FAM13C: variants seen among roughly 807,000 people sequenced by gnomAD.
FAM13C encodes protein FAM13C.
A neutral mutation model predicts 73.2 loss-of-function variants in FAM13C; 37 were observed. The observed-to-expected ratio is 0.51, with a 90% CI of 0.39 to 0.67. FAM13C has a LOEUF of 0.67. Ranked by LOEUF, FAM13C falls within the 30% of genes least tolerant of loss-of-function variation. FAM13C has a pLI of 0.00. For synonymous variants in FAM13C, 246 were observed against 260.9 expected (o/e 0.94, Z 0.55); for missense variants, 589 against 715.6 (o/e 0.82, Z 2.02).
chr10:59,331,752 A>G (rs79622999), intron 3 of FAM13C, among the ~76,000 whole-genome samples: 2,726 of 152,254 alleles, frequency 0.018, 85 homozygotes, highest in African/African-American at 0.062. Flanking sequence ...GAGAATAACA[A>G]ATTAGCTAAA....
chr10:59,320,447 T>C (rs1378615618), intron 4 of FAM13C, among the ~76,000 whole-genome samples: 1 of 152,134 alleles, frequency 6.6e-6, no homozygotes, highest in Non-Finnish European at 1.5e-5. Flanking sequence ...GTATCTGAGG[T>C]TGGCTCTGTT....
intron 13 of FAM13C, among the ~76,000 whole-genome samples, chr10:59,249,419 A>G (rs990520068): frequency 4.0e-5 from 6 of 150,660 alleles, no homozygotes; most frequent in African/African-American, 1.5e-4. Flanking sequence ...AAAAAAAAAA[A>G]AAAAAAAAAA....
At chr10:59,293,008 T>C (rs1846443983) in intron 5 of FAM13C, among the ~76,000 whole-genome samples, 1 of 151,046 alleles carries the variant, frequency 6.6e-6, no homozygotes, top group East Asian at 1.9e-4. Context: ...CCCTTACCCT[T>C]CCCAGCATCT....
intron 13 of FAM13C, among the ~76,000 whole-genome samples, chr10:59,248,675 T>C (rs748732128): frequency 2.0e-5 from 3 of 152,194 alleles, no homozygotes; most frequent in Non-Finnish European, 4.4e-5. Flanking sequence ...TATTCTCTAA[T>C]GTTAGTATGG....
chr10:59,321,717 T>C (rs1443882045), intron 4 of FAM13C, among the ~76,000 whole-genome samples: 1 of 152,026 alleles, frequency 6.6e-6, no homozygotes, highest in Non-Finnish European at 1.5e-5. Flanking sequence ...TTGGCATTCG[T>C]GAAAAGATCA....
intron 2 of FAM13C, among the ~76,000 whole-genome samples, chr10:59,353,085 G>A (rs1855282282): frequency 6.6e-6 from 1 of 152,192 alleles, no homozygotes; most frequent in Non-Finnish European, 1.5e-5. Context: ...TCTGAACAAT[G>A]CCCTGAATGC....
chr10:59,270,162 C>T, intron 6 of FAM13C, 53 bp from the exon 7 acceptor site: 2 of 1,532,720 alleles, frequency 1.3e-6, no homozygotes. Flanking sequence ...GGGCTTGAGA[C>T]TGTCATGTTC....
At chr10:59,294,983 C>T (rs761452972) in intron 5 of FAM13C, among the ~76,000 whole-genome samples, 4 of 152,186 alleles carry the variant, frequency 2.6e-5, no homozygotes, top group Non-Finnish European at 5.9e-5. Context: ...AATAGCACTC[C>T]TAGATCCTAA....
intron 4 of FAM13C, among the ~76,000 whole-genome samples, chr10:59,315,435 A>C (rs1589576498): frequency 6.6e-6 from 1 of 152,280 alleles, no homozygotes; most frequent in East Asian, 1.9e-4. Context: ...TCTATCATGA[A>C]ATTTAGTGGG....
chr10:59,342,926 C>T (rs1853695151), intron 3 of FAM13C, among the ~76,000 whole-genome samples: 1 of 152,202 alleles, frequency 6.6e-6, no homozygotes, highest in African/African-American at 2.4e-5. Flanking sequence ...ATAAATATCA[C>T]AAAGAACACA....
intron 1 of FAM13C, among the ~76,000 whole-genome samples, chr10:59,359,162 A>G (rs1033599321): frequency 8.5e-5 from 13 of 152,140 alleles, no homozygotes; most frequent in African/African-American, 3.1e-4. Flanking sequence ...CATAATCTCA[A>G]TCCAGCCTGA....
At chr10:59,289,238 C>T (rs907599713) in intron 5 of FAM13C, among the ~76,000 whole-genome samples, 1 of 152,182 alleles carries the variant, frequency 6.6e-6, no homozygotes, top group African/African-American at 2.4e-5. Context: ...GGAGCTCAGG[C>T]AGTAAAGCTC....
chr10:59,324,095 A>C lies in FAM13C; in HGVS notation c.336T>G (p.His112Gln). Residue 112 changes from histidine (H) to glutamine (Q), a missense_variant, in exon 4 of 14, where the codon CAT becomes CAG. Physicochemically the swap from His to Gln is conservative, Grantham distance 24 (BLOSUM62 0). Transcript: ENST00000618804. ...RSHGESQETE[H>Q]VVSSQSECQV... is the part of the protein sequence containing the mutation. ...GACACTCTGACTGGCTGGATACCAC[A>C]TGCTCTGTCTCCTGCAAGAAGAAAG... 6.2e-7 allele frequency: 1 copy of C among 1,613,482 alleles called. No individual in the cohort carries two copies. Among genetic ancestry groups the C allele is most frequent in the South Asian group, 1.1e-5 (1 of 91,030 alleles).
chr10:59,361,936 C>T (rs924457753), intron 1 of FAM13C, among the ~76,000 whole-genome samples: 1 of 152,076 alleles, frequency 6.6e-6, no homozygotes, highest in African/African-American at 2.4e-5. Flanking sequence ...CTCTGATATG[C>T]CTTAAAAATC....
At chr10:59,328,812 A>G (rs1269317262) in intron 3 of FAM13C, among the ~76,000 whole-genome samples, 1 of 152,226 alleles carries the variant, frequency 6.6e-6, no homozygotes. Flanking sequence ...AGTATTTCCC[A>G]AAATCTCTAA....
At position 59,352,266 on chromosome 10, in the gene FAM13C, C is replaced by G. The variant is rs760423793; in HGVS notation, c.324+4G>C. 2 of 1,613,386 alleles carry G rather than the reference C, an allele frequency of 1.2e-6. No individual in the cohort carries two copies. The highest frequency in any genetic ancestry group is 1.3e-5 in the African/African-American group (1 of 74,882). Reference sequence around the variant, plus strand: ...GCAAAAGCCTGAGAAGAGAGAGCTGCTACCTGACTTTCTCCGTGGCTCCTC... The same window carrying G: ...GCAAAAGCCTGAGAAGAGAGAGCTGGTACCTGACTTTCTCCGTGGCTCCTC... On this transcript the variant is annotated splice_donor_region_variant and intron_variant, in intron 3 of 13. Coordinates refer to ENST00000618804, the MANE Select transcript of FAM13C (RefSeq NM_198215.4).
chr10:59,344,914 G>A (rs371150000), intron 3 of FAM13C, among the ~76,000 whole-genome samples: 1 of 150,480 alleles, frequency 6.6e-6, no homozygotes, highest in African/African-American at 2.4e-5. Context: ...GGTACCAATA[G>A]GACAAAGGTG....
At chr10:59,275,207 C>A (rs1163620994) in intron 6 of FAM13C, among the ~76,000 whole-genome samples, 1 of 152,134 alleles carries the variant, frequency 6.6e-6, no homozygotes, top group African/African-American at 2.4e-5. Context: ...TGGGCGGTAC[C>A]TTTACTAGTC....
At chr10:59,306,288 G>A (rs1044260226) in intron 4 of FAM13C, among the ~76,000 whole-genome samples, 1 of 152,232 alleles carries the variant, frequency 6.6e-6, no homozygotes, top group Admixed American at 6.5e-5. Context: ...AAGAGCCTAC[G>A]TAGAATATAC....
Sources: allele counts gnomAD v4.1 joint callset (sites outside exome capture counted in the v4.1 genomes callset), GRCh38; gene constraint gnomAD v4.1.1; transcripts MANE v1.5; gene names NCBI Gene and HGNC (gene_info 2026-07-23, HGNC 2026-07-21).